Variants in NIPAL2 observed in about 807,000 individuals in gnomAD.
The protein encoded by NIPAL2 is NIPA like domain containing 2.
A neutral mutation model predicts 48.9 loss-of-function variants in NIPAL2; 43 were observed. That is an observed-to-expected ratio of 0.88 (90% CI 0.69 to 1.13). The LOEUF is 1.13. Among genes scored for constraint, NIPAL2 ranks in the 50% most tolerant of loss-of-function variants. The pLI is 0.00. For missense variants in NIPAL2, 446 were observed against 461.4 expected (o/e 0.97, Z 0.31); for synonymous variants, 167 against 174.6 (o/e 0.96, Z 0.34).
intron 3 of NIPAL2, among the ~76,000 whole-genome samples, chr8:98,240,997 A>C (rs1281624602): frequency 2.0e-5 from 3 of 152,220 alleles, no homozygotes; most frequent in Non-Finnish European, 2.9e-5. Flanking sequence ...TCCTTGCTTG[A>C]ACATTTTATA....
chr8:98,203,082 C>A lies in NIPAL2; in HGVS notation c.880+26G>T, dbSNP rs373494679. ...GAAACTTCATTTATGCTTGGAATCA[C>A]CAATGTATAGAAAACCAAAACTCAC... is the stretch of plus-strand genomic sequence containing the variant. On this transcript the variant is annotated intron_variant, in intron 8 of 10. Coordinates refer to ENST00000430223, the MANE Select transcript of NIPAL2 (RefSeq NM_001321635.2). 8 of 1,514,286 alleles carry A rather than the reference C, an allele frequency of 5.3e-6. No individual in the cohort carries two copies. In the African/African-American group the frequency reaches 1.1e-4, roughly 21 times the overall value. 93.8% of individuals were successfully genotyped at this position (1,514,286 alleles called of 1,614,324 possible).
At chr8:98,234,107 G>C (rs770531465) in intron 4 of NIPAL2, among the ~76,000 whole-genome samples, 1 of 152,138 alleles carries the variant, frequency 6.6e-6, no homozygotes, top group Non-Finnish European at 1.5e-5. Context: ...AGTGGGTAAA[G>C]GTCAGGAGGG....
At position 98,212,481 on chromosome 8, in the gene NIPAL2, G is replaced by T; in HGVS notation, c.579C>A (p.Phe193Leu). The change falls in exon 6 of 11, where the codon TTC (phenylalanine) becomes TTA (leucine). Residue 193 changes from phenylalanine to leucine, a missense_variant. Coordinates refer to ENST00000430223, the MANE Select transcript of NIPAL2 (RefSeq NM_001321635.2). ...LIYVILEILI[F>L]CILLYFYKRK... is the part of the protein sequence containing the mutation. Reference sequence around the variant, plus strand: ...TTTTATAGAAATACAGGAGAATGCAGAAAATTAATATTTCTAAAATCTAGA... The same window carrying T: ...TTTTATAGAAATACAGGAGAATGCATAAAATTAATATTTCTAAAATCTAGA... 1 of 1,475,462 alleles carries T rather than the reference G, an allele frequency of 6.8e-7. No individual in the cohort carries two copies. 91.4% of individuals were successfully genotyped at this position (1,475,462 alleles called of 1,614,324 possible). A position where few individuals can be genotyped will look rare whatever the true frequency, so the allele number is the denominator to read the frequency against.
At chr8:98,224,554 C>T (rs1260662239) in intron 4 of NIPAL2, among the ~76,000 whole-genome samples, 1 of 152,066 alleles carries the variant, frequency 6.6e-6, no homozygotes, top group Non-Finnish European at 1.5e-5. Context: ...TCCCTCCCTA[C>T]TTCACATCCA....
At chr8:98,234,711 C>T (rs1023546949) in intron 4 of NIPAL2, among the ~76,000 whole-genome samples, 1 of 66,496 alleles carries the variant, frequency 1.5e-5, no homozygotes, top group Admixed American at 1.9e-4. Flanking sequence ...CCACACCTGT[C>T]TATTTTTTTT....
chr8:98,276,660 G>A (rs1440273315), intron 1 of NIPAL2, among the ~76,000 whole-genome samples: 2 of 151,900 alleles, frequency 1.3e-5, no homozygotes, highest in Non-Finnish European at 2.9e-5. Flanking sequence ...GGCTATACCT[G>A]CATTCCCACT....
chr8:98,207,334 G>T (rs1201537413), intron 6 of NIPAL2, among the ~76,000 whole-genome samples: 1 of 152,140 alleles, frequency 6.6e-6, no homozygotes, highest in Admixed American at 6.5e-5. Flanking sequence ...TTCAAAGCAT[G>T]CACAATTGTC....
intron 6 of NIPAL2, among the ~76,000 whole-genome samples, 163 bp from the exon 7 acceptor site, chr8:98,205,409 C>T (rs927935365): frequency 1.1e-4 from 16 of 151,650 alleles, no homozygotes; most frequent in Middle Eastern, 7.0e-3. Context: ...AAGCAGTGGC[C>T]TTGTTGCTCG....
intron 8 of NIPAL2, among the ~76,000 whole-genome samples, chr8:98,199,258 A>G (rs899220394): frequency 2.6e-5 from 4 of 152,102 alleles, no homozygotes; most frequent in African/African-American, 7.2e-5. Context: ...ACCCGGCCCA[A>G]AAACTTTTTT....
chr8:98,246,421 C>T (rs889316794), intron 3 of NIPAL2, among the ~76,000 whole-genome samples: 2 of 152,180 alleles, frequency 1.3e-5, no homozygotes, highest in African/African-American at 2.4e-5. Flanking sequence ...AGCTCTCCAA[C>T]CTTAATACAA....
intron 10 of NIPAL2, among the ~76,000 whole-genome samples, chr8:98,194,512 G>T (rs530633086): frequency 1.3e-5 from 2 of 151,986 alleles, no homozygotes; most frequent in Non-Finnish European, 2.9e-5. Context: ...GAGGAAACAT[G>T]GTCAGTTCTT....
At chr8:98,256,732 A>G (rs1446402489) in intron 1 of NIPAL2, among the ~76,000 whole-genome samples, 2 of 152,208 alleles carry the variant, frequency 1.3e-5, no homozygotes, top group Non-Finnish European at 2.9e-5. Context: ...ACTGTGGAAA[A>G]TGGCGTGGAG....
At chr8:98,242,722 G>A (rs1222706977) in intron 3 of NIPAL2, among the ~76,000 whole-genome samples, 2 of 152,034 alleles carry the variant, frequency 1.3e-5, no homozygotes, top group Non-Finnish European at 2.9e-5. Context: ...CTAACCTCGT[G>A]ATCCTCCCGC....
intron 4 of NIPAL2, among the ~76,000 whole-genome samples, 172 bp downstream of exon 4, chr8:98,235,983 T>G (rs929189765): frequency 1.3e-5 from 2 of 152,144 alleles, no homozygotes; most frequent in Non-Finnish European, 2.9e-5. Flanking sequence ...GGAAGTATTT[T>G]ATGCGAGAAG....
At chr8:98,242,488 A>ATTTTTTGTTTTGT (rs774556900) in intron 3 of NIPAL2, among the ~76,000 whole-genome samples, 4 of 117,768 alleles carry the variant, frequency 3.4e-5, no homozygotes, top group East Asian at 2.5e-4. Flanking sequence ...CACCTGACAG[A>ATTTTTTGTTTTGT]TTTTTTTTTT....
chr8:98,263,701 C>T (rs1236391997), intron 1 of NIPAL2, among the ~76,000 whole-genome samples: 1 of 139,566 alleles, frequency 7.2e-6, no homozygotes, highest in East Asian at 2.1e-4. Context: ...ACCAGAGGTA[C>T]AAGGAGGAAC....
At chr8:98,196,711 T>G (rs1268899382) in intron 8 of NIPAL2, among the ~76,000 whole-genome samples, 1 of 152,288 alleles carries the variant, frequency 6.6e-6, no homozygotes, top group East Asian at 1.9e-4. Context: ...TTAAGTTATA[T>G]GTTGCCTGGA....
At position 98,227,599 on chromosome 8, in the gene NIPAL2, A is replaced by G. The variant is rs140999639; in HGVS notation, c.437-4999T>C. Among the ~76,000 whole-genome samples, 8 of 152,288 alleles carry G rather than the reference A, an allele frequency of 5.3e-5. No individual in the cohort carries two copies. The East Asian group carries it at 1.4e-3, about 26-fold the overall frequency. On this transcript the variant is annotated intron_variant, in intron 4 of 10. Coordinates refer to ENST00000430223, the MANE Select transcript of NIPAL2 (RefSeq NM_001321635.2). ...GCCTCAGGACTCTGCCTGATGCCCTATCCTATTGTGGCTGAACTGGTATCC... is the reference window on the plus strand; with the variant it reads ...GCCTCAGGACTCTGCCTGATGCCCTGTCCTATTGTGGCTGAACTGGTATCC...
rs371328992 is a variant in NIPAL2 at position 98,195,892 on chromosome 8, C to T, written c.944+50G>A. 8.6e-4 allele frequency: 1,145 copies of T among 1,334,678 alleles called. 18 individuals carry two copies. The South Asian group carries it at 0.013, about 15-fold the overall frequency. The allele number at this position is 1,334,678 out of a possible 1,614,324, so 82.7% of individuals were successfully genotyped here. ...CTCCGGTACAATGCCGAAAATCCTA[C>T]GTAAAAGTAATAGAATTTCACATGC... is the stretch of plus-strand genomic sequence containing the variant. On this transcript the variant is annotated intron_variant, in intron 9 of 10. Coordinates refer to ENST00000430223, the MANE Select transcript of NIPAL2 (RefSeq NM_001321635.2).
Sources: gnomAD v4.1 joint callset for allele counts (sites outside exome capture counted in the v4.1 genomes callset) on GRCh38, gnomAD v4.1.1 for gene constraint, MANE v1.5 for transcripts, NCBI Gene and HGNC (gene_info 2026-07-23, HGNC 2026-07-21) for gene names.